The following OPCML variants were observed in gnomAD, a reference collection of about 807,000 sequenced individuals.
OPCML encodes the protein opioid binding protein/cell adhesion molecule like.
A neutral mutation model predicts 37.8 loss-of-function variants in OPCML; 13 were observed. The observed-to-expected ratio is 0.34, with a 90% CI of 0.22 to 0.55. The LOEUF (loss-of-function observed/expected upper bound fraction) is 0.55. Ranked by LOEUF, OPCML falls within the 20% of genes least tolerant of loss-of-function variation. The pLI is 0.91. For synonymous variants in OPCML, 176 were observed against 168.8 expected (o/e 1.04, Z -0.33); for missense variants, 341 against 435.6 (o/e 0.78, Z 1.93).
intron 2 of OPCML, among the ~76,000 whole-genome samples, chr11:132,831,105 A>G (rs1940657144): frequency 6.6e-6 from 1 of 152,138 alleles, no homozygotes; most frequent in Admixed American, 6.5e-5. Flanking sequence ...ATATCCCAGT[A>G]TCATAAACCT....
intron 1 of OPCML, among the ~76,000 whole-genome samples, chr11:133,527,799 C>G (rs1948519112): frequency 6.6e-6 from 1 of 152,164 alleles, no homozygotes; most frequent in Non-Finnish European, 1.5e-5. Flanking sequence ...TTGAACCAAC[C>G]AAATAAGCCT....
intron 1 of OPCML, among the ~76,000 whole-genome samples, chr11:133,518,135 G>T (rs778713437): frequency 1.3e-5 from 2 of 152,070 alleles, no homozygotes; most frequent in Non-Finnish European, 2.9e-5. Context: ...AGAAGAGTGT[G>T]CATGTGTCAC....
intron 3 of OPCML, among the ~76,000 whole-genome samples, chr11:132,544,972 C>A (rs1223484301): frequency 6.6e-6 from 1 of 152,172 alleles, no homozygotes; most frequent in African/African-American, 2.4e-5. Context: ...TCCCAGTTAG[C>A]CCATGGCATA....
At chr11:132,445,082 G>A (rs1044023632) in intron 4 of OPCML, among the ~76,000 whole-genome samples, 10 of 152,204 alleles carry the variant, frequency 6.6e-5, no homozygotes, top group African/African-American at 2.2e-4. Flanking sequence ...CCTCCTCTGC[G>A]GGAGGAGTGG....
chr11:132,703,732 G>A (rs1943920957), intron 2 of OPCML, among the ~76,000 whole-genome samples: 2 of 152,134 alleles, frequency 1.3e-5, no homozygotes. Context: ...GTCCACTGAG[G>A]GCAGGACTGG....
chr11:132,506,156 G>A (rs2096256345), intron 4 of OPCML, among the ~76,000 whole-genome samples: 1 of 152,136 alleles, frequency 6.6e-6, no homozygotes, highest in Non-Finnish European at 1.5e-5. Context: ...GTGACCTTTG[G>A]ATTTTATGCT....
At chr11:132,786,629 C>T (rs545373619) in intron 2 of OPCML, among the ~76,000 whole-genome samples, 20 of 152,132 alleles carry the variant, frequency 1.3e-4, no homozygotes, top group Admixed American at 3.9e-4. Flanking sequence ...CATTAGGGAA[C>T]GGACAATTAT....
At chr11:132,976,122 A>C (rs1199130758) in intron 1 of OPCML, among the ~76,000 whole-genome samples, 1 of 152,198 alleles carries the variant, frequency 6.6e-6, no homozygotes, top group Non-Finnish European at 1.5e-5. Flanking sequence ...GGTGTTACTT[A>C]TCTGGTCATG....
intron 1 of OPCML, among the ~76,000 whole-genome samples, chr11:133,069,638 T>G (rs1948493556): frequency 6.6e-6 from 1 of 152,142 alleles, no homozygotes; most frequent in Non-Finnish European, 1.5e-5. Context: ...TATAGGAGTG[T>G]GTGAGAGCAT....
At chr11:132,533,463 G>A (rs7126067) in intron 3 of OPCML, among the ~76,000 whole-genome samples, 3 of 151,970 alleles carry the variant, frequency 2.0e-5, no homozygotes, top group Admixed American at 6.6e-5. Flanking sequence ...ACAGATAGAC[G>A]GATAGACAAA....
intron 1 of OPCML, among the ~76,000 whole-genome samples, chr11:133,330,050 A>G (rs2136645532): frequency 6.6e-6 from 1 of 152,368 alleles, no homozygotes; most frequent in East Asian, 1.9e-4. Context: ...TTCTCAAAAG[A>G]AGACATTTAT....
intron 2 of OPCML, among the ~76,000 whole-genome samples, chr11:132,807,485 C>T (rs1211419264): frequency 1.3e-5 from 2 of 152,186 alleles, no homozygotes; most frequent in South Asian, 2.1e-4. Flanking sequence ...TCCCATTTCA[C>T]TTCAAAGAAT....
At chr11:132,699,783 T>C (rs989738096) in intron 2 of OPCML, among the ~76,000 whole-genome samples, 11 of 152,258 alleles carry the variant, frequency 7.2e-5, no homozygotes, top group African/African-American at 2.6e-4. Flanking sequence ...TTTATATTTA[T>C]CAGGAATATT....
intron 1 of OPCML, among the ~76,000 whole-genome samples, chr11:133,454,337 C>G (rs143934199): frequency 1.2e-3 from 181 of 152,316 alleles, no homozygotes; most frequent in African/African-American, 4.1e-3. Flanking sequence ...ACCAGTCTGT[C>G]ACTATTCTTT....
intron 2 of OPCML, among the ~76,000 whole-genome samples, chr11:132,740,927 G>C (rs2136037860): frequency 6.6e-6 from 1 of 152,246 alleles, no homozygotes; most frequent in Middle Eastern, 3.4e-3. Context: ...ACGGTATGCA[G>C]CACCGAATCC....
intron 2 of OPCML, among the ~76,000 whole-genome samples, chr11:132,845,157 C>T (rs926287407): frequency 2.0e-5 from 3 of 152,036 alleles, no homozygotes; most frequent in African/African-American, 7.2e-5. Context: ...TAGCTCGTTA[C>T]TTGGCATGAT....
At chr11:132,873,391 A>G (rs1048906067) in intron 2 of OPCML, among the ~76,000 whole-genome samples, 7 of 152,146 alleles carry the variant, frequency 4.6e-5, no homozygotes, top group African/African-American at 1.4e-4. Context: ...CAAGGCCAAG[A>G]GCCCCCCAGG....
chr11:132,478,394 G>A (rs2096164905), intron 4 of OPCML, among the ~76,000 whole-genome samples: 1 of 152,182 alleles, frequency 6.6e-6, no homozygotes, highest in Admixed American at 6.6e-5. Flanking sequence ...TGCAGTGTAT[G>A]ATGATGGTGA....
At chr11:133,252,423 C>A (rs1941164319) in intron 1 of OPCML, among the ~76,000 whole-genome samples, 1 of 152,096 alleles carries the variant, frequency 6.6e-6, no homozygotes, top group Non-Finnish European at 1.5e-5. Context: ...GTTTTATTTT[C>A]AAATTTCTGT....
Sources: allele counts gnomAD v4.1 joint callset (sites outside exome capture counted in the v4.1 genomes callset), GRCh38; gene constraint gnomAD v4.1.1; transcripts MANE v1.5; gene names NCBI Gene and HGNC (gene_info 2026-07-23, HGNC 2026-07-21).